Variants in BMPR1B observed in about 807,000 individuals in gnomAD.
BMPR1B encodes the protein bone morphogenetic protein receptor type-1B.
In BMPR1B, 12 loss-of-function variants were observed where a neutral mutation model predicts 59.1. The observed-to-expected ratio is 0.20, with a 90% CI of 0.13 to 0.33. The LOEUF is 0.33. Among genes scored for constraint, BMPR1B ranks in the 10% least tolerant of loss-of-function variants. BMPR1B has a pLI of 1.00. For synonymous variants in BMPR1B, 237 were observed against 207.3 expected, an observed-to-expected ratio of 1.14 and a Z score of -1.23; for missense variants, 550 against 610.9, an observed-to-expected ratio of 0.90 and a Z score of 1.05.
intron 2 of BMPR1B, among the ~76,000 whole-genome samples, chr4:94,902,528 C>G (rs1727872243): frequency 6.6e-6 from 1 of 151,880 alleles, no homozygotes; most frequent in Admixed American, 6.6e-5. Flanking sequence ...AGAACATTTT[C>G]TTTCTGACAA....
At chr4:95,107,323 T>C (rs1173768712) in intron 4 of BMPR1B, among the ~76,000 whole-genome samples, 1 of 151,996 alleles carries the variant, frequency 6.6e-6, no homozygotes, top group African/African-American at 2.4e-5. Flanking sequence ...GCAATCAGAT[T>C]TATAGACACT....
At chr4:94,965,962 C>T (rs982455483) in intron 2 of BMPR1B, among the ~76,000 whole-genome samples, 1 of 152,114 alleles carries the variant, frequency 6.6e-6, no homozygotes, top group Non-Finnish European at 1.5e-5. Context: ...ATAGGGAAAG[C>T]ATTAGCCAGG....
chr4:95,039,398 A>G (rs1725487011), intron 3 of BMPR1B, among the ~76,000 whole-genome samples: 1 of 149,554 alleles, frequency 6.7e-6, no homozygotes, highest in Admixed American at 6.7e-5. Context: ...TGAAGTTTGT[A>G]CATGGGGTTC....
intron 1 of BMPR1B, among the ~76,000 whole-genome samples, chr4:94,786,521 T>C (rs1043359914): frequency 1.3e-5 from 2 of 152,014 alleles, no homozygotes; most frequent in Non-Finnish European, 2.9e-5. Context: ...CCACCACACT[T>C]AGCTAATTTT....
intron 2 of BMPR1B, among the ~76,000 whole-genome samples, chr4:94,954,471 A>G (rs545558426): frequency 2.6e-5 from 4 of 152,342 alleles, no homozygotes; most frequent in East Asian, 1.9e-4. Context: ...AGATTGTGCA[A>G]TGCACATGCC....
At chr4:94,955,783 C>A (rs753280157) in intron 2 of BMPR1B, among the ~76,000 whole-genome samples, 66 of 152,050 alleles carry the variant, frequency 4.3e-4, no homozygotes, top group Non-Finnish European at 4.7e-4. Flanking sequence ...TGCACGCCCC[C>A]ACACCCGGCT....
intron 3 of BMPR1B, among the ~76,000 whole-genome samples, chr4:95,033,616 T>A (rs1425984961): frequency 2.0e-5 from 3 of 152,088 alleles, no homozygotes; most frequent in African/African-American, 7.2e-5. Context: ...AGCGTTTTAG[T>A]GTGGAAATGA....
chr4:95,126,687 G>C (rs139490443), intron 8 of BMPR1B, among the ~76,000 whole-genome samples: 1 of 152,162 alleles, frequency 6.6e-6, no homozygotes, highest in South Asian at 2.1e-4. Flanking sequence ...ATTTGATGGC[G>C]GTAGGATGGG....
chr4:94,999,326 T>G (rs1722278849), intron 3 of BMPR1B, among the ~76,000 whole-genome samples: 1 of 152,162 alleles, frequency 6.6e-6, no homozygotes, highest in Non-Finnish European at 1.5e-5. Context: ...ACAATTTTGA[T>G]TCATTAGATT....
At chr4:94,986,413 A>C (rs1343209946) in intron 2 of BMPR1B, among the ~76,000 whole-genome samples, 1 of 152,212 alleles carries the variant, frequency 6.6e-6, no homozygotes, top group East Asian at 1.9e-4. Context: ...CATGAACGTA[A>C]AGTTTTCAAA....
intron 12 of BMPR1B, 26 bp downstream of exon 12, chr4:95,152,799 T>C: frequency 1.2e-6 from 2 of 1,610,666 alleles, no homozygotes; most frequent in African/African-American, 2.7e-5. Context: ...ACCATGTGGC[T>C]GTGACAGACT....
intron 2 of BMPR1B, among the ~76,000 whole-genome samples, chr4:94,928,282 C>T (rs764394621): frequency 5.3e-5 from 8 of 151,594 alleles, no homozygotes; most frequent in Admixed American, 1.3e-4. Flanking sequence ...CCTGCTTCCA[C>T]GTCCCAAGTA....
chr4:95,114,652 A>ACG, intron 4 of BMPR1B, 68 bp from the exon 5 acceptor site: 1 of 1,288,748 alleles, frequency 7.8e-7, no homozygotes, highest in Non-Finnish European at 1.1e-6. Flanking sequence ...CTAGACACAC[A>ACG]CACACACACA....
At chr4:95,046,506 G>A (rs962675701) in intron 3 of BMPR1B, among the ~76,000 whole-genome samples, 1 of 152,104 alleles carries the variant, frequency 6.6e-6, no homozygotes, top group East Asian at 1.9e-4. Flanking sequence ...TAGGTAATGA[G>A]CAAACAGAGA....
intron 1 of BMPR1B, among the ~76,000 whole-genome samples, chr4:94,850,309 A>T (rs561717225): frequency 2.8e-4 from 42 of 152,166 alleles, no homozygotes; most frequent in Non-Finnish European, 5.6e-4. Context: ...TGCAAAGGAA[A>T]TTAATGAATA....
chr4:95,148,357 G>A (rs1431622052), intron 10 of BMPR1B, among the ~76,000 whole-genome samples: 1 of 151,788 alleles, frequency 6.6e-6, no homozygotes, highest in East Asian at 1.9e-4. Flanking sequence ...TGATCTATTG[G>A]TAATGCAATT....
At chr4:95,048,360 TG>T (rs1252888310) in intron 3 of BMPR1B, among the ~76,000 whole-genome samples, 1 of 152,240 alleles carries the variant, frequency 6.6e-6, no homozygotes, top group African/African-American at 2.4e-5. Context: ...TGTTTTAACT[TG>T]TTTGAGAAAT....
At chr4:94,834,987 A>G (rs1245310942) in intron 1 of BMPR1B, among the ~76,000 whole-genome samples, 1 of 149,084 alleles carries the variant, frequency 6.7e-6, no homozygotes, top group South Asian at 2.1e-4. Context: ...AAAGATAGGG[A>G]GTAGTCTTTT....
intron 2 of BMPR1B, among the ~76,000 whole-genome samples, chr4:94,939,681 C>T (rs933419180): frequency 2.6e-5 from 4 of 152,090 alleles, no homozygotes; most frequent in Admixed American, 6.6e-5. Flanking sequence ...TAGCATATTA[C>T]CAACAAAATT....
Sources: allele counts gnomAD v4.1 joint callset (sites outside exome capture counted in the v4.1 genomes callset), GRCh38; gene constraint gnomAD v4.1.1; transcripts MANE v1.5; gene names NCBI Gene and HGNC (gene_info 2026-07-23, HGNC 2026-07-21).